Variants in ABCA9 observed in about 807,000 individuals in gnomAD.
The protein encoded by ABCA9 is ATP binding cassette subfamily A member 9, also known as ATP-binding cassette sub-family A member 9.
Under a neutral mutation model 205.3 loss-of-function variants are expected in ABCA9, and 183 were observed. That is an observed-to-expected ratio of 0.89 (90% CI 0.79 to 1.01). ABCA9 has a LOEUF of 1.01. Among genes scored for constraint, ABCA9 ranks in the 50% least tolerant of loss-of-function variants. The pLI, the probability that ABCA9 is intolerant of heterozygous loss-of-function variation, is 0.00. For synonymous variants in ABCA9, 651 were observed against 683.3 expected (o/e 0.95, Z 0.74); for missense variants, 1,805 against 1,912.4 (o/e 0.94, Z 1.05).
chr17:69,069,313 T>C, the ABCA9 span, among the ~76,000 whole-genome samples: 972 of 152,236 alleles, frequency 6.4e-3, 10 homozygotes, highest in African/African-American at 0.021. Context: ...TAAATGGTAA[T>C]TTTGATGAAT....
In ABCA9 at chr17:68,976,090, C is replaced by T. The variant is rs772350148; in HGVS notation, c.4776+45G>A. On this transcript the variant is annotated intron_variant, in intron 38 of 38. Transcript: ENST00000340001. Reference sequence around the variant, plus strand: ...TGCAGCTCCAGGCGAATGCATTATACATGTATATTCCATGGATGATATAGA... The same window carrying T: ...TGCAGCTCCAGGCGAATGCATTATATATGTATATTCCATGGATGATATAGA... The T allele has an allele frequency of 6.2e-6, 10 of 1,601,880 alleles. No homozygotes were observed. In the East Asian group the frequency reaches 2.0e-4, roughly 32 times the overall value.
chr17:69,068,658 A>C, the ABCA9 span, among the ~76,000 whole-genome samples: 599 of 152,186 alleles, frequency 3.9e-3, 3 homozygotes, highest in Non-Finnish European at 6.2e-3. Flanking sequence ...TCTTTACCCC[A>C]AAAAACTGAG....
chr17:68,981,779 T>C (rs557328354), intron 37 of ABCA9, among the ~76,000 whole-genome samples: 2 of 147,720 alleles, frequency 1.4e-5, no homozygotes, highest in Admixed American at 1.4e-4. Context: ...TGAGCCGAGA[T>C]TGTGCCACTG....
intron 1 of ABCA9, among the ~76,000 whole-genome samples, chr17:69,059,628 A>G (rs1409895960): frequency 6.6e-6 from 1 of 151,536 alleles, no homozygotes; most frequent in African/African-American, 2.4e-5. Context: ...GAGCTGTAAG[A>G]TGATAACTCT....
Position 69,026,444 on chromosome 17 carries a change from C to T in ABCA9, c.2074G>A (p.Gly692Arg). The change falls in exon 16 of 39, where the codon GGG (glycine) becomes AGG (arginine). Residue 692 changes from glycine (G) to arginine (R), a missense_variant. Gly to Arg is a moderately radical substitution (Grantham distance 125, BLOSUM62 -2). Coordinates refer to ENST00000340001, the MANE Select transcript of ABCA9 (RefSeq NM_080283.4). Reference protein sequence around the residue: ...LADRKVFISNGKLKCAGSSLF... With the variant: ...LADRKVFISNRKLKCAGSSLF... ...GAAGAGCCTGCACACTTCAGCTTCC[C>T]ATTGGATATGAACACCTTCCTGTCT... is the stretch of plus-strand genomic sequence containing the variant. The T allele has an allele frequency of 6.2e-7, 1 of 1,613,734 alleles. No individual in the cohort carries two copies. The highest frequency in any genetic ancestry group is 8.5e-7 in the Non-Finnish European group (1 of 1,179,706).
At chr17:69,049,535 T>C in intron 2 of ABCA9, 45 bp from the exon 3 acceptor site, 1 of 1,460,922 alleles carries the variant, frequency 6.8e-7, no homozygotes, top group Non-Finnish European at 9.4e-7. Context: ...GTAGATGTTA[T>C]ACCACAGATC....
chr17:69,014,723 A>G (rs1168914723), intron 22 of ABCA9, among the ~76,000 whole-genome samples: 1 of 152,166 alleles, frequency 6.6e-6, no homozygotes, highest in African/African-American at 2.4e-5. Context: ...GCAGCATGCA[A>G]GAAGCACTCA....
At chr17:69,070,607 G>A in the ABCA9 span, among the ~76,000 whole-genome samples, 4 of 152,256 alleles carry the variant, frequency 2.6e-5, no homozygotes, top group Admixed American at 6.5e-5. Context: ...CAGACCAGGA[G>A]ATTCCCTTGG....
At chr17:68,976,746 C>T (rs1021946438) in intron 37 of ABCA9, among the ~76,000 whole-genome samples, 2 of 152,196 alleles carry the variant, frequency 1.3e-5, no homozygotes, top group Non-Finnish European at 2.9e-5. Flanking sequence ...AATGGTAACA[C>T]TTCTATTGTT....
intron 35 of ABCA9, 82 bp downstream of exon 35, chr17:68,983,974 A>T: frequency 5.6e-6 from 9 of 1,603,026 alleles, no homozygotes; most frequent in Non-Finnish European, 7.7e-6. Context: ...GCTCCTCACG[A>T]TGGGTAGCCT....
intron 6 of ABCA9, among the ~76,000 whole-genome samples, chr17:69,038,038 T>C (rs1202093833): frequency 6.6e-6 from 1 of 152,142 alleles, no homozygotes; most frequent in African/African-American, 2.4e-5. Context: ...AATCCCTGAA[T>C]TGACCAATAA....
chr17:68,983,917 T>C (rs2069143853), intron 35 of ABCA9, 68 bp from the exon 36 acceptor site: 1 of 1,608,094 alleles, frequency 6.2e-7, no homozygotes, highest in Non-Finnish European at 8.5e-7. Flanking sequence ...ATGTTCAGCC[T>C]CTGGAGGCCA....
chr17:68,996,793 T>G lies in ABCA9; in HGVS notation c.3436-779A>C, dbSNP rs571257821. ...GGGTAATTTGTCCCTCTTGTGTTACTATTTTCTTTATATTAGGTCTTTTTA... is the reference window on the plus strand; with the variant it reads ...GGGTAATTTGTCCCTCTTGTGTTACGATTTTCTTTATATTAGGTCTTTTTA... On this transcript the variant is annotated intron_variant, in intron 25 of 38. Transcript: ENST00000340001. 8.5e-5 allele frequency among the ~76,000 whole-genome samples: 13 copies of G among 152,376 alleles called. No homozygotes were observed. The East Asian group carries it at 2.5e-3, about 29-fold the overall frequency.
chr17:69,068,216 C>T, the ABCA9 span, among the ~76,000 whole-genome samples: 1 of 152,128 alleles, frequency 6.6e-6, no homozygotes, highest in Admixed American at 6.5e-5. Context: ...TTCCAATATA[C>T]AATCATTATT....
At chr17:68,976,078 G>A (rs934710374) in intron 38 of ABCA9, 57 bp downstream of exon 38, 23 of 1,600,016 alleles carry the variant, frequency 1.4e-5, no homozygotes, top group Middle Eastern at 1.7e-4. Flanking sequence ...AGCTCCAGGC[G>A]AATGCATTAT....
rs188511746 is a variant in ABCA9, at chr17:68,990,228, C to T, written c.3838-298G>A. 1.1e-4 allele frequency among the ~76,000 whole-genome samples: 17 copies of T among 152,254 alleles called. 1 individual carries two copies. In the East Asian group the frequency reaches 2.9e-3, roughly 26 times the overall value. Reference sequence around the variant, plus strand: ...ATCATGCACACAAACACACACGCACCGCAGACAAGCTCTCTCTCAGTGACT... The same window carrying T: ...ATCATGCACACAAACACACACGCACTGCAGACAAGCTCTCTCTCAGTGACT... On this transcript the variant is annotated intron_variant, in intron 29 of 38. Transcript: ENST00000340001.
rs1453692573 is a variant in ABCA9 at position 68,986,414 on chromosome 17, T to A, written c.4048-90A>T. The A allele has an allele frequency of 2.3e-6, 3 of 1,292,928 alleles. No homozygotes were observed. In the East Asian group the frequency reaches 7.6e-5, roughly 33 times the overall value. 80.1% of individuals were successfully genotyped at this position (1,292,928 alleles called of 1,614,324 possible). A position where few individuals can be genotyped will look rare whatever the true frequency, so the allele number is the denominator to read the frequency against. On this transcript the variant is annotated intron_variant, in intron 31 of 38. Transcript: ENST00000340001. ...GCCGTACTTCAGAGATGCCCTTCTC[T>A]TCACACACACAGGTGCTAAGTGCAC...
intron 26 of ABCA9, among the ~76,000 whole-genome samples, chr17:68,995,548 T>C (rs2069589802): frequency 6.6e-6 from 1 of 152,212 alleles, no homozygotes; most frequent in South Asian, 2.1e-4. Flanking sequence ...TCCTGACTCA[T>C]GTATCTAACT....
In ABCA9 at chr17:68,990,688, G is replaced by T; in HGVS notation, c.3837+149C>A. 3.5e-6 allele frequency: 3 copies of T among 861,220 alleles called. No individual in the cohort carries two copies. The South Asian group carries it at 5.5e-5, about 16-fold the overall frequency. 53.3% of individuals were successfully genotyped at this position (861,220 alleles called of 1,614,324 possible). ...TTTTCTTTGCTCTCTTACATTTGTG[G>T]GCCTTGCATACCTGCTGAAGTCAAG... On this transcript the variant is annotated intron_variant, in intron 29 of 38. Transcript: ENST00000340001.
Sources: gnomAD v4.1 joint callset for allele counts (sites outside exome capture counted in the v4.1 genomes callset) on GRCh38, gnomAD v4.1.1 for gene constraint, MANE v1.5 for transcripts, NCBI Gene and HGNC (gene_info 2026-07-23, HGNC 2026-07-21) for gene names.